Variants in FOXK2 observed in about 807,000 individuals in gnomAD.
FOXK2 encodes the protein forkhead box K2.
In FOXK2, 24 loss-of-function variants were observed where a neutral mutation model predicts 53.3. The ratio of observed to expected loss-of-function variants is 0.45; its 90% CI spans 0.33 to 0.63. The LOEUF is 0.63. Ranked by LOEUF, FOXK2 falls within the 30% of genes least tolerant of loss-of-function variation. The probability of loss-of-function intolerance (pLI) is 0.03; values close to 1 mark genes in which losing one functional copy is unlikely to be tolerated. For missense variants in FOXK2, 952 were observed against 910.5 expected, an observed-to-expected ratio of 1.05 and a Z score of -0.59; for synonymous variants, 505 against 407.1, an observed-to-expected ratio of 1.24 and a Z score of -2.89.
intron 5 of FOXK2, among the ~76,000 whole-genome samples, chr17:82,583,462 G>A (rs1021364689): frequency 2.0e-5 from 3 of 152,206 alleles, no homozygotes; most frequent in East Asian, 1.9e-4. Context: ...CAGGAGAATC[G>A]CTTGAACCCG....
At chr17:82,522,276 T>G (rs2044370979) in intron 1 of FOXK2, among the ~76,000 whole-genome samples, 1 of 151,908 alleles carries the variant, frequency 6.6e-6, no homozygotes, top group African/African-American at 2.4e-5. Context: ...GAGCTATGAT[T>G]GCACCACTGC....
rs2045402569 is a variant in FOXK2, at chr17:82,602,911, T to C, written c.*1412T>C. On this transcript the variant is annotated 3_prime_UTR_variant, in exon 9 of 9. Coordinates refer to ENST00000335255, the MANE Select transcript of FOXK2 (RefSeq NM_004514.4). ...ATTTATTTAAATGTAGTTATTTTGG[T>C]ATTTAATTTTTTTTTAGAGAGGAAA... 6.6e-6 allele frequency: 1 copy of C among 152,350 alleles called. No homozygotes were observed. Among genetic ancestry groups the C allele is most frequent in the Admixed American group, 6.5e-5 (1 of 15,284 alleles). 9.4% of individuals were successfully genotyped at this position (152,350 alleles called of 1,614,324 possible).
At chr17:82,564,248 C>T (rs1278447855) in intron 2 of FOXK2, among the ~76,000 whole-genome samples, 1 of 151,836 alleles carries the variant, frequency 6.6e-6, no homozygotes, top group Non-Finnish European at 1.5e-5. Context: ...CCACCATACC[C>T]GGCTAATTTT....
chr17:82,528,373 T>C (rs2044439194), intron 1 of FOXK2, among the ~76,000 whole-genome samples: 1 of 152,204 alleles, frequency 6.6e-6, no homozygotes, highest in Non-Finnish European at 1.5e-5. Context: ...AAGCTTTTAG[T>C]GAAAGCAGTT....
chr17:82,546,114 G>GT (rs531735206), intron 1 of FOXK2, among the ~76,000 whole-genome samples: 39,519 of 101,550 alleles, frequency 0.39, 9,940 homozygotes, highest in African/African-American at 0.54. Context: ...AGCATGGTTG[G>GT]TTTTTTTTTT....
At position 82,550,657 on chromosome 17, in the gene FOXK2, C is replaced by A. The variant is rs1473713585; in HGVS notation, c.420-12697C>A. On this transcript the variant is annotated intron_variant, in intron 1 of 8. Transcript: ENST00000335255. ...AGCTGGGACTACAGGCGCCCGCCAC[C>A]ACGCCCGGCTAATTTTTGTTGTATT... Among the ~76,000 whole-genome samples the A allele has an allele frequency of 2.8e-4, 42 of 152,020 alleles. 1 individual carries two copies. The highest frequency in any genetic ancestry group is 2.8e-3 in the Admixed American group (42 of 15,258).
At chr17:82,549,188 C>T (rs960174230) in intron 1 of FOXK2, among the ~76,000 whole-genome samples, 8 of 152,166 alleles carry the variant, frequency 5.3e-5, no homozygotes, top group South Asian at 2.1e-4. Flanking sequence ...CCTGTAGCTC[C>T]GAGTGTGAGG....
At chr17:82,580,110 C>G in intron 4 of FOXK2, among the ~76,000 whole-genome samples, 1 of 127,000 alleles carries the variant, frequency 7.9e-6, no homozygotes, top group Non-Finnish European at 1.7e-5. Flanking sequence ...TGAAGTAGCT[C>G]CATCCACAGG....
intron 6 of FOXK2, 111 bp downstream of exon 6, chr17:82,584,299 C>T (rs2143104189): frequency 1.2e-5 from 14 of 1,132,808 alleles, no homozygotes; most frequent in Non-Finnish European, 1.7e-5. Context: ...TCCCTCTGTA[C>T]CTTATACTAG....
intron 1 of FOXK2, among the ~76,000 whole-genome samples, chr17:82,532,621 G>C (rs1056711235): frequency 5.3e-5 from 8 of 151,984 alleles, no homozygotes; most frequent in African/African-American, 1.9e-4. Context: ...ACGTCTCACT[G>C]TGTGGCCCAA....
intron 1 of FOXK2, among the ~76,000 whole-genome samples, chr17:82,526,611 A>G (rs147059696): frequency 5.1e-4 from 77 of 152,116 alleles, no homozygotes; most frequent in Middle Eastern, 6.8e-3. Context: ...CAGGTGGATC[A>G]TGAGGTCAGG....
Position 82,587,607 on chromosome 17 carries a change from C to T in FOXK2, c.1786+335C>T, listed in dbSNP as rs527879988. On this transcript the variant is annotated intron_variant, in intron 8 of 8. Coordinates refer to ENST00000335255, the MANE Select transcript of FOXK2 (RefSeq NM_004514.4). ...GCGTGTCTTTTCCCTTGGCCTCGCGCGCCCTGTGGCCTGTGGCGGTGCTAT... is the reference window on the plus strand; with the variant it reads ...GCGTGTCTTTTCCCTTGGCCTCGCGTGCCCTGTGGCCTGTGGCGGTGCTAT... The T allele has an allele frequency of 1.9e-4, 75 of 385,534 alleles. 1 individual carries two copies. The highest frequency in any genetic ancestry group is 1.5e-3 in the African/African-American group (72 of 48,298). 23.9% of individuals were successfully genotyped at this position (385,534 alleles called of 1,614,324 possible). A position where few individuals can be genotyped will look rare whatever the true frequency, so the allele number is the denominator to read the frequency against.
At chr17:82,573,022 C>A (rs1040480713) in intron 4 of FOXK2, among the ~76,000 whole-genome samples, 2 of 151,932 alleles carry the variant, frequency 1.3e-5, no homozygotes, top group Non-Finnish European at 2.9e-5. Context: ...GAGACCCTGT[C>A]TCTACAAAAA....
intron 4 of FOXK2, among the ~76,000 whole-genome samples, chr17:82,572,495 T>C (rs1008492459): frequency 1.3e-5 from 2 of 152,080 alleles, no homozygotes; most frequent in Non-Finnish European, 2.9e-5. Flanking sequence ...AATAATTTTT[T>C]TTTTTTTTTT....
chr17:82,576,761 C>T (rs1359511844), intron 4 of FOXK2: 4 of 670,078 alleles, frequency 6.0e-6, no homozygotes, highest in South Asian at 1.8e-5. Flanking sequence ...GAATATGTCA[C>T]CAGCTGCTTC....
chr17:82,557,343 T>TA, intron 1 of FOXK2, among the ~76,000 whole-genome samples: 2 of 151,792 alleles, frequency 1.3e-5, no homozygotes, highest in Non-Finnish European at 1.5e-5. Context: ...ATTTTTATTT[T>TA]TTATATATAT....
intron 1 of FOXK2, among the ~76,000 whole-genome samples, chr17:82,536,058 A>G (rs1201534848): frequency 2.6e-5 from 4 of 151,740 alleles, no homozygotes; most frequent in African/African-American, 9.7e-5. Context: ...TTGTATTTTT[A>G]GTAGAGATGG....
intron 1 of FOXK2, among the ~76,000 whole-genome samples, chr17:82,521,523 T>C (rs754304455): frequency 1.3e-5 from 2 of 151,714 alleles, no homozygotes; most frequent in Non-Finnish European, 2.9e-5. Context: ...TGGTAAGAGC[T>C]GTTGCTTTTC....
At chr17:82,571,536 G>A (rs2044918259) in intron 3 of FOXK2, among the ~76,000 whole-genome samples, 188 bp from the exon 4 acceptor site, 1 of 152,168 alleles carries the variant, frequency 6.6e-6, no homozygotes, top group African/African-American at 2.4e-5. Flanking sequence ...AGAGGGCGGA[G>A]ACTGCAGTGA....
Sources: gnomAD v4.1 joint callset for allele counts (sites outside exome capture counted in the v4.1 genomes callset) on GRCh38, gnomAD v4.1.1 for gene constraint, MANE v1.5 for transcripts, NCBI Gene and HGNC (gene_info 2026-07-23, HGNC 2026-07-21) for gene names.